UPP1: variants seen among roughly 807,000 people sequenced by gnomAD.
The protein encoded by UPP1 is UPase 1.
In UPP1, 25 loss-of-function variants were observed where a neutral mutation model predicts 29.6. The ratio of observed to expected loss-of-function variants is 0.85; its 90% CI spans 0.62 to 1.18. The LOEUF is 1.18. Ranked by LOEUF, UPP1 falls within the 50% of genes most tolerant of loss-of-function variation. UPP1 has a pLI of 0.00. For synonymous variants in UPP1, 165 were observed against 159.8 expected, an observed-to-expected ratio of 1.03 and a Z score of -0.25; for missense variants, 368 against 410.4, an observed-to-expected ratio of 0.90 and a Z score of 0.89.
In UPP1 at chr7:48,108,642, C is replaced by G. The variant is rs1053251247; in HGVS notation, c.*285C>G. ...GGGAAATTTTTCAGACTTTAAAATT[C>G]TAATGGTAGTCAGATTTCATGTCAC... On this transcript the variant is annotated 3_prime_UTR_variant, in exon 9 of 9. Coordinates refer to ENST00000395564, the MANE Select transcript of UPP1 (RefSeq NM_003364.4). 1 of 269,536 alleles carries G rather than the reference C, an allele frequency of 3.7e-6. No homozygotes were observed. Among genetic ancestry groups the G allele is most frequent in the African/African-American group, 2.2e-5 (1 of 45,442 alleles). 16.7% of individuals were successfully genotyped at this position (269,536 alleles called of 1,614,324 possible). A position where few individuals can be genotyped will look rare whatever the true frequency, so the allele number is the denominator to read the frequency against.
chr7:48,099,860 A>C (rs193230582), intron 4 of UPP1, 73 bp downstream of exon 4: 2 of 978,700 alleles, frequency 2.0e-6, no homozygotes, highest in African/African-American at 3.2e-5. Flanking sequence ...CAGGTAGACC[A>C]ACCCACAAAT....
intron 2 of UPP1, 134 bp downstream of exon 2, chr7:48,090,498 C>G (rs867101989): frequency 1.0e-4 from 16 of 152,610 alleles, no homozygotes; most frequent in African/African-American, 3.4e-4. Context: ...ATCCCTGTTT[C>G]CTTTCCCCAC....
intron 6 of UPP1, chr7:48,103,650 G>A: frequency 1.0e-6 from 1 of 987,542 alleles, no homozygotes; most frequent in Non-Finnish European, 1.4e-6. Flanking sequence ...GCATATGGGG[G>A]AAACTCATCC....
intron 3 of UPP1, among the ~76,000 whole-genome samples, chr7:48,099,216 T>C (rs1792286172): frequency 6.6e-6 from 1 of 152,198 alleles, no homozygotes; most frequent in South Asian, 2.1e-4. Context: ...GGTATGCAGA[T>C]TGGAAAGGTT....
chr7:48,107,224 C>A, intron 7 of UPP1, 137 bp from the exon 8 acceptor site: 1 of 1,407,296 alleles, frequency 7.1e-7, no homozygotes, highest in Non-Finnish European at 9.8e-7. Context: ...GTTATAATGA[C>A]CCGTTTGAGT....
rs947369688 is a variant in UPP1 at position 48,104,016 on chromosome 7, G to T, written c.436+605G>T. ...GGGCGGATCACAAGATCGGGAGATC[G>T]AGACCATCCTGGCCAACATGGTGAA... On this transcript the variant is annotated intron_variant, in intron 6 of 8. Coordinates refer to ENST00000395564, the MANE Select transcript of UPP1 (RefSeq NM_003364.4). The T allele has an allele frequency of 1.1e-5, 8 of 760,214 alleles. No individual in the cohort carries two copies. In the African/African-American group the frequency reaches 1.5e-4, roughly 14 times the overall value. The allele number at this position is 760,214 out of a possible 1,614,324, so 47.1% of individuals were successfully genotyped here.
At position 48,103,057 on chromosome 7, in the gene UPP1, C is replaced by T. The variant is rs143137510; in HGVS notation, c.322-240C>T. Among the ~76,000 whole-genome samples the T allele has an allele frequency of 2.9e-3, 441 of 152,250 alleles. 6 individuals are homozygous for T. Among genetic ancestry groups the T allele is most frequent in the African/African-American group, 0.01 (422 of 41,538 alleles). ...TGCTTCCCTGCTGAGCCCCTGGGTC[C>T]GCAGCTGTTACCTATTTGACAAATT... is the stretch of plus-strand genomic sequence containing the variant. On this transcript the variant is annotated intron_variant, in intron 5 of 8. Coordinates refer to ENST00000395564, the MANE Select transcript of UPP1 (RefSeq NM_003364.4).
chr7:48,099,411 G>T (rs765319646), intron 3 of UPP1, among the ~76,000 whole-genome samples: 1 of 152,218 alleles, frequency 6.6e-6, no homozygotes, highest in East Asian at 1.9e-4. Context: ...GTGTACTTTC[G>T]TGTGCTCTTC....
At position 48,107,463 on chromosome 7, in the gene UPP1, A is replaced by G; in HGVS notation, c.749A>G (p.Glu250Gly). The change falls in exon 8 of 9, where the codon GAG becomes GGG. Residue 250 changes from glutamate to glycine, a missense_variant. Coordinates refer to ENST00000395564, the MANE Select transcript of UPP1 (RefSeq NM_003364.4). ...GCCGGCGTCCGCAATATCGAGATGG[A>G]GTCCTCGGTGTTTGCCGCCATGTGC... The part of the protein sequence containing the change: ...YAAGVRNIEM[E>G]SSVFAAMCSA... The G allele has an allele frequency of 6.2e-7, 1 of 1,614,066 alleles. No homozygotes were observed. The highest frequency in any genetic ancestry group is 8.5e-7 in the Non-Finnish European group (1 of 1,179,940).
In UPP1 at chr7:48,099,707, A is replaced by G; in HGVS notation, c.82A>G (p.Lys28Glu). Residue 28 changes from lysine to glutamate, a missense_variant, in exon 4 of 9, where the codon AAA becomes GAA. By Grantham distance (56) the Lys-to-Glu change is moderately conservative (BLOSUM62 1). Transcript: ENST00000395564. ...PVRLLNPNIAKMKEDILYHFN... is the reference protein window; with the variant it reads ...PVRLLNPNIAEMKEDILYHFN... Reference sequence around the variant, plus strand: ...CAGACTTTTAAATCCAAACATAGCAAAAATGAAAGAAGATATTCTCTATCA... The same window carrying G: ...CAGACTTTTAAATCCAAACATAGCAGAAATGAAAGAAGATATTCTCTATCA... The G allele has an allele frequency of 1.9e-6, 3 of 1,613,958 alleles. No individual in the cohort carries two copies. The highest frequency in any genetic ancestry group is 2.5e-6 in the Non-Finnish European group (3 of 1,179,802).
Position 48,108,445 on chromosome 7 carries a change from C to T in UPP1, c.*88C>T. 1 of 1,434,418 alleles carries T rather than the reference C, an allele frequency of 7.0e-7. No homozygotes were observed. The highest frequency in any genetic ancestry group is 9.4e-7 in the Non-Finnish European group (1 of 1,066,312). The allele number at this position is 1,434,418 out of a possible 1,614,324, so 88.9% of individuals were successfully genotyped here. A position where few individuals can be genotyped will look rare whatever the true frequency, so the allele number is the denominator to read the frequency against. ...TCCCCTGTTGTGTGGACTTTGAGCA[C>T]ACTTTACACAAGAATCTAGAAAATC... On this transcript the variant is annotated 3_prime_UTR_variant, in exon 9 of 9. Transcript: ENST00000395564.
intron 4 of UPP1, among the ~76,000 whole-genome samples, chr7:48,101,347 C>G (rs1028851582): frequency 6.6e-6 from 1 of 152,218 alleles, no homozygotes; most frequent in African/African-American, 2.4e-5. Flanking sequence ...TCCTGAGCCT[C>G]CTCTAGGCTT....
At chr7:48,100,251 C>A (rs1185434181) in intron 4 of UPP1, among the ~76,000 whole-genome samples, 3 of 152,160 alleles carry the variant, frequency 2.0e-5, no homozygotes, top group African/African-American at 7.2e-5. Flanking sequence ...CATATCTAAA[C>A]ATAGAAAAGC....
chr7:48,103,068 C>G (rs1322419329), intron 5 of UPP1, among the ~76,000 whole-genome samples: 6 of 152,284 alleles, frequency 3.9e-5, no homozygotes, highest in Middle Eastern at 3.4e-3. Context: ...GCAGCTGTTA[C>G]CTATTTGACA....
rs763521658 is a variant in UPP1, at chr7:48,107,348, A to AT, written c.647-12dup. The AT allele has an allele frequency of 6.2e-7, 1 of 1,605,032 alleles. No individual in the cohort carries two copies. Among genetic ancestry groups the AT allele is most frequent in the South Asian group, 1.1e-5 (1 of 90,340 alleles). ...ACATGCATGTGGTTCTCATGTCTCC[A>AT]TGTGTGCCTCAGGGCAAGGCCGTCT... On this transcript the variant is annotated splice_polypyrimidine_tract_variant and intron_variant, in intron 7 of 8. Coordinates refer to ENST00000395564, the MANE Select transcript of UPP1 (RefSeq NM_003364.4).
intron 6 of UPP1, chr7:48,105,996 AG>A (rs1338313081): frequency 4.6e-5 from 7 of 152,360 alleles, no homozygotes; most frequent in Admixed American, 3.9e-4. Context: ...TACTCCAGGA[AG>A]GCACGCCCAG....
At chr7:48,094,537 T>A (rs1792022518) in intron 2 of UPP1, among the ~76,000 whole-genome samples, 1 of 152,194 alleles carries the variant, frequency 6.6e-6, no homozygotes, top group Admixed American at 6.5e-5. Context: ...CCACTTAGGC[T>A]TTTGGCACAT....
intron 3 of UPP1, among the ~76,000 whole-genome samples, chr7:48,099,014 T>C (rs980755383): frequency 1.1e-4 from 16 of 151,774 alleles, no homozygotes; most frequent in African/African-American, 3.7e-4. Flanking sequence ...GCAGAAATCA[T>C]GCAGCCTGCA....
At chr7:48,104,484 G>A (rs1792616384) in intron 6 of UPP1, among the ~76,000 whole-genome samples, 1 of 152,152 alleles carries the variant, frequency 6.6e-6, no homozygotes, top group African/African-American at 2.4e-5. Flanking sequence ...AGAGAAAGTT[G>A]AGCTTTGCCG....
Sources: allele counts gnomAD v4.1 joint callset (sites outside exome capture counted in the v4.1 genomes callset), GRCh38; gene constraint gnomAD v4.1.1; transcripts MANE v1.5; gene names NCBI Gene and HGNC (gene_info 2026-07-23, HGNC 2026-07-21).